CEPT1: variants seen among roughly 807,000 people sequenced by gnomAD.
CEPT1 encodes the protein choline/ethanolaminephosphotransferase 1.
A neutral mutation model predicts 42.6 loss-of-function variants in CEPT1; 7 were observed. The observed-to-expected ratio is 0.16, with a 90% CI of 0.09 to 0.31. CEPT1 has a LOEUF of 0.31. CEPT1 is among the 10% of genes least tolerant of loss of function. The probability of loss-of-function intolerance (pLI) is 1.00; values close to 1 mark genes in which losing one functional copy is unlikely to be tolerated. For missense variants in CEPT1, 306 were observed against 502.1 expected, an observed-to-expected ratio of 0.61 and a Z score of 3.73; for synonymous variants, 171 against 171.9, an observed-to-expected ratio of 0.99 and a Z score of 0.04.
chr1:111,143,093 T>C (rs1442810028), intron 1 of CEPT1, among the ~76,000 whole-genome samples: 8 of 152,278 alleles, frequency 5.3e-5, no homozygotes, highest in Non-Finnish European at 1.2e-4. Flanking sequence ...CAGGTTTCTT[T>C]ATAAGCACAT....
chr1:111,174,736 G>T, intron 4 of CEPT1, 143 bp from the exon 5 acceptor site: 1 of 513,384 alleles, frequency 1.9e-6, no homozygotes, highest in East Asian at 2.9e-5. Flanking sequence ...ACAAATTTTT[G>T]ATGCCTCCTT....
intron 2 of CEPT1, among the ~76,000 whole-genome samples, chr1:111,155,109 TG>T (rs1655491002): frequency 6.6e-6 from 1 of 152,228 alleles, no homozygotes; most frequent in South Asian, 2.1e-4. Flanking sequence ...CATTTGGTCC[TG>T]GGTTTTTCTT....
At chr1:111,150,892 A>G (rs1449310623) in intron 2 of CEPT1, among the ~76,000 whole-genome samples, 1 of 152,190 alleles carries the variant, frequency 6.6e-6, no homozygotes, top group Non-Finnish European at 1.5e-5. Context: ...TTCATTAGCT[A>G]GTAGCTTTGA....
intron 4 of CEPT1, among the ~76,000 whole-genome samples, chr1:111,166,328 C>G (rs1656143312): frequency 6.6e-6 from 1 of 152,168 alleles, no homozygotes; most frequent in Non-Finnish European, 1.5e-5. Flanking sequence ...GTCTATACTG[C>G]TACTGTTTTG....
intron 5 of CEPT1, chr1:111,179,926 C>A (rs1236444233): frequency 6.6e-6 from 1 of 152,156 alleles, no homozygotes; most frequent in Non-Finnish European, 1.5e-5. Flanking sequence ...ACATATATGA[C>A]AAAAGTGATG....
At chr1:111,144,094 C>T (rs1386654887) in intron 1 of CEPT1, among the ~76,000 whole-genome samples, 2 of 152,132 alleles carry the variant, frequency 1.3e-5, no homozygotes, top group Admixed American at 1.3e-4. Context: ...TTTTTCCTTT[C>T]TCGCCACATT....
At chr1:111,142,190 A>G (rs1411331610) in intron 1 of CEPT1, among the ~76,000 whole-genome samples, 1 of 152,182 alleles carries the variant, frequency 6.6e-6, no homozygotes, top group Non-Finnish European at 1.5e-5. Flanking sequence ...TAGTAAAGGT[A>G]TTAATTAAAT....
At chr1:111,184,024 G>GTC (rs1397591423) in intron 8 of CEPT1, among the ~76,000 whole-genome samples, 167 bp from the exon 9 acceptor site, 1 of 152,164 alleles carries the variant, frequency 6.6e-6, no homozygotes, top group Non-Finnish European at 1.5e-5. Flanking sequence ...TTTGCCATCT[G>GTC]TCTCTCTAAC....
chr1:111,176,800 A>G (rs1349388205), intron 5 of CEPT1, among the ~76,000 whole-genome samples: 1 of 152,214 alleles, frequency 6.6e-6, no homozygotes, highest in Non-Finnish European at 1.5e-5. Context: ...GTATTGAACC[A>G]TCAGAAAGCA....
At chr1:111,155,358 G>A (rs1027984475) in intron 2 of CEPT1, among the ~76,000 whole-genome samples, 4 of 151,614 alleles carry the variant, frequency 2.6e-5, no homozygotes, top group African/African-American at 9.7e-5. Flanking sequence ...ATTTATTTGG[G>A]TCTTCTGTCT....
intron 7 of CEPT1, 21 bp from the exon 8 acceptor site, chr1:111,183,441 G>A (rs373491351): frequency 9.3e-6 from 15 of 1,611,150 alleles, no homozygotes; most frequent in Admixed American, 5.0e-5. Flanking sequence ...AAATGCCTAC[G>A]TTATTCTGTT....
intron 7 of CEPT1, 97 bp from the exon 8 acceptor site, chr1:111,183,365 A>T (rs930457023): frequency 2.1e-5 from 29 of 1,359,410 alleles, no homozygotes; most frequent in Non-Finnish European, 2.8e-5. Flanking sequence ...TTCCTAAATA[A>T]TTATTGGAAG....
At chr1:111,143,912 T>C (rs1225209068) in intron 1 of CEPT1, among the ~76,000 whole-genome samples, 3 of 152,270 alleles carry the variant, frequency 2.0e-5, no homozygotes, top group African/African-American at 7.2e-5. Flanking sequence ...AATTTTTTTG[T>C]ATAGATGTGG....
intron 5 of CEPT1, chr1:111,181,200 T>G (rs1169968800): frequency 6.6e-6 from 1 of 152,084 alleles, no homozygotes; most frequent in Non-Finnish European, 1.5e-5. Context: ...TTGTAAGAAC[T>G]CATGGCTTAT....
intron 4 of CEPT1, among the ~76,000 whole-genome samples, chr1:111,161,704 A>G (rs1337833700): frequency 6.6e-6 from 1 of 152,184 alleles, no homozygotes; most frequent in African/African-American, 2.4e-5. Context: ...TGTTTCTACT[A>G]TTTTCAAAAA....
intron 7 of CEPT1, 120 bp from the exon 8 acceptor site, chr1:111,183,342 A>T (rs993284065): frequency 1.1e-5 from 13 of 1,169,118 alleles, no homozygotes; most frequent in Admixed American, 4.5e-5. Context: ...TAGTTTTGGG[A>T]ATTCAACAGC....
At position 111,148,029 on chromosome 1, in the gene CEPT1, C is replaced by G. The variant is rs777021913; in HGVS notation, c.315C>G (p.Phe105Leu). The G allele has an allele frequency of 6.2e-7, 1 of 1,613,936 alleles. No individual in the cohort carries two copies. The highest frequency in any genetic ancestry group is 1.1e-5 in the South Asian group (1 of 91,076). ...INICTTILLV[F>L]YCPTATEQAP... ...TCTGTACAACTATTTTATTAGTCTTCTACTGCCCTACAGCTACAGAGCAGG... is the reference window on the plus strand; with the variant it reads ...TCTGTACAACTATTTTATTAGTCTTGTACTGCCCTACAGCTACAGAGCAGG... The change falls in exon 2 of 9, where the codon TTC (phenylalanine) becomes TTG (leucine). Residue 105 changes from phenylalanine (F) to leucine (L), a missense_variant. Transcript: ENST00000357172.
At chr1:111,168,382 G>A (rs1656243985) in intron 4 of CEPT1, among the ~76,000 whole-genome samples, 1 of 150,602 alleles carries the variant, frequency 6.6e-6, no homozygotes, top group Non-Finnish European at 1.5e-5. Flanking sequence ...GGTTTATTAA[G>A]TTTCCTACAT....
intron 4 of CEPT1, among the ~76,000 whole-genome samples, chr1:111,170,730 G>C (rs1656374310): frequency 6.6e-6 from 1 of 152,042 alleles, no homozygotes; most frequent in African/African-American, 2.4e-5. Context: ...TATAAACCTG[G>C]AGTTAATAGC....
Sources: gnomAD v4.1 joint callset for allele counts (sites outside exome capture counted in the v4.1 genomes callset) on GRCh38, gnomAD v4.1.1 for gene constraint, MANE v1.5 for transcripts, NCBI Gene and HGNC (gene_info 2026-07-23, HGNC 2026-07-21) for gene names.